The following CXCL13 variants were observed in gnomAD, a reference collection of about 807,000 sequenced individuals.
CXCL13 encodes C-X-C motif chemokine 13.
In CXCL13, 7 loss-of-function variants were observed where a neutral mutation model predicts 12.2. That is an observed-to-expected ratio of 0.57 (90% CI 0.33 to 1.07). CXCL13 has a LOEUF of 1.07. CXCL13 is among the 50% of genes least tolerant of loss of function. The pLI, the probability that CXCL13 is intolerant of heterozygous loss-of-function variation, is 0.04. For synonymous variants in CXCL13, 47 were observed against 42.4 expected, an observed-to-expected ratio of 1.11 and a Z score of -0.42; for missense variants, 113 against 127.4, an observed-to-expected ratio of 0.89 and a Z score of 0.55.
chr4:77,529,795 A>G (rs1724861160), intron 1 of CXCL13, among the ~76,000 whole-genome samples: 1 of 152,228 alleles, frequency 6.6e-6, no homozygotes, highest in South Asian at 2.1e-4. Context: ...TGCCCTGGCC[A>G]GAACTTCCAA....
chr4:77,602,381 A>G (rs546856005), upstream of CXCL13, among the ~76,000 whole-genome samples: 1 of 152,352 alleles, frequency 6.6e-6, no homozygotes, highest in Non-Finnish European at 1.5e-5. Flanking sequence ...ATATCTCTGA[A>G]GATAATTTGA....
chr4:77,543,961 T>C (rs1725285707), intron 1 of CXCL13, among the ~76,000 whole-genome samples: 1 of 152,230 alleles, frequency 6.6e-6, no homozygotes, highest in South Asian at 2.1e-4. Context: ...AATGTTCTCA[T>C]TGTTTAATTC....
At chr4:77,605,976 C>T in intron 1 of CXCL13, 47 bp downstream of exon 1, 1 of 1,336,146 alleles carries the variant, frequency 7.5e-7, no homozygotes, top group Non-Finnish European at 1.1e-6. Context: ...CAGAAATAGT[C>T]TTTAACCACT....
intron 1 of CXCL13, among the ~76,000 whole-genome samples, chr4:77,520,975 A>T (rs1043696340): frequency 6.6e-6 from 1 of 152,166 alleles, no homozygotes; most frequent in African/African-American, 2.4e-5. Flanking sequence ...TGAGATAATC[A>T]TGTGGTTTTT....
At chr4:77,515,447 G>T (rs1003736354) in intron 1 of CXCL13, among the ~76,000 whole-genome samples, 4 of 152,062 alleles carry the variant, frequency 2.6e-5, no homozygotes, top group East Asian at 1.9e-4. Context: ...GAGCATGGAA[G>T]GTTCTTTCAT....
chr4:77,552,922 G>A (rs1021093931), intron 1 of CXCL13, among the ~76,000 whole-genome samples: 5 of 152,186 alleles, frequency 3.3e-5, no homozygotes, highest in African/African-American at 9.7e-5. Context: ...AATACCTAGG[G>A]ATCTGCATGG....
chr4:77,521,249 C>T (rs6857231), intron 1 of CXCL13, among the ~76,000 whole-genome samples: 75,563 of 151,964 alleles, frequency 0.5, 21,833 homozygotes, highest in African/African-American at 0.81. Context: ...TTAGGGAGGA[C>T]TCCCTCTTTT....
At chr4:77,560,019 A>G (rs1167711393) in intron 1 of CXCL13, among the ~76,000 whole-genome samples, 2 of 150,876 alleles carry the variant, frequency 1.3e-5, no homozygotes, top group East Asian at 3.9e-4. Flanking sequence ...AGTCATAAAC[A>G]CTTCTGTGAC....
intron 1 of CXCL13, among the ~76,000 whole-genome samples, chr4:77,553,310 T>G (rs958127938): frequency 2.4e-4 from 36 of 152,238 alleles, no homozygotes; most frequent in Admixed American, 2.3e-3. Context: ...GAGCATGTGC[T>G]CCAATCTGTG....
At chr4:77,603,779 C>G (rs1726942041), upstream of CXCL13, among the ~76,000 whole-genome samples, 1 of 151,730 alleles carries the variant, frequency 6.6e-6, no homozygotes, top group Non-Finnish European at 1.5e-5. Context: ...GCAGTTTTTT[C>G]CCAAACAGAT....
chr4:77,548,911 G>A (rs1206208436), intron 1 of CXCL13, among the ~76,000 whole-genome samples: 2 of 152,142 alleles, frequency 1.3e-5, no homozygotes, highest in East Asian at 3.8e-4. Flanking sequence ...GGTCTCCTGG[G>A]TGATATCCTG....
chr4:77,608,301 G>A (rs1030986423), intron 2 of CXCL13, among the ~76,000 whole-genome samples: 2 of 152,136 alleles, frequency 1.3e-5, no homozygotes, highest in African/African-American at 4.8e-5. Context: ...TTAGCCGGGT[G>A]TGGTGGTTCA....
chr4:77,611,125 G>T lies in CXCL13; in HGVS notation c.*86G>T, dbSNP rs1727141498. The T allele has an allele frequency of 8.6e-7, 1 of 1,166,652 alleles. No individual in the cohort carries two copies. Among genetic ancestry groups the T allele is most frequent in the Admixed American group, 2.0e-5 (1 of 49,246 alleles). The allele number at this position is 1,166,652 out of a possible 1,614,324, so 72.3% of individuals were successfully genotyped here. ...TTTGTGCTTAGTTAAATCTTTTCCA[G>T]GAAAAAGAACTTCCCCATACAAATA... is the stretch of plus-strand genomic sequence containing the variant. On this transcript the variant is annotated 3_prime_UTR_variant, in exon 4 of 4. Coordinates refer to ENST00000682537, the MANE Select transcript of CXCL13 (RefSeq NM_001371558.1).
chr4:77,560,888 T>A (rs1725795777), intron 1 of CXCL13, among the ~76,000 whole-genome samples: 2 of 152,220 alleles, frequency 1.3e-5, no homozygotes, highest in African/African-American at 2.4e-5. Context: ...ATATAATTTT[T>A]ATATTTTCTT....
intron 1 of CXCL13, among the ~76,000 whole-genome samples, chr4:77,528,511 C>A (rs913376734): frequency 1.2e-4 from 19 of 152,204 alleles, no homozygotes; most frequent in Admixed American, 1.1e-3. Flanking sequence ...TTTTGATTTG[C>A]ATTTCTCTGA....
chr4:77,559,343 G>C (rs1725744940), intron 1 of CXCL13, among the ~76,000 whole-genome samples: 1 of 152,156 alleles, frequency 6.6e-6, no homozygotes, highest in South Asian at 2.1e-4. Context: ...TTGACCCTTT[G>C]GCCATTTCTG....
chr4:77,546,174 A>C (rs188170881), intron 1 of CXCL13, among the ~76,000 whole-genome samples: 1 of 152,264 alleles, frequency 6.6e-6, no homozygotes, highest in East Asian at 1.9e-4. Context: ...GGATTTTTGC[A>C]TCAATGTTCA....
intron 1 of CXCL13, among the ~76,000 whole-genome samples, chr4:77,512,844 AG>A: frequency 6.6e-6 from 1 of 152,178 alleles, no homozygotes. Context: ...TTTCATACAT[AG>A]GTATACATGT....
chr4:77,596,341 T>C (rs1726747247), intron 1 of CXCL13, among the ~76,000 whole-genome samples: 1 of 152,198 alleles, frequency 6.6e-6, no homozygotes, highest in South Asian at 2.1e-4. Flanking sequence ...GGCAAGAGTG[T>C]AGCGAAAAGG....
Sources: allele counts gnomAD v4.1 joint callset (sites outside exome capture counted in the v4.1 genomes callset), GRCh38; gene constraint gnomAD v4.1.1; transcripts MANE v1.5; gene names NCBI Gene and HGNC (gene_info 2026-07-23, HGNC 2026-07-21).